RYR2: variants seen among roughly 807,000 people sequenced by gnomAD.
The protein encoded by RYR2 is ryanodine receptor 2, also known as cardiac muscle ryanodine receptor-calcium release channel.
A neutral mutation model predicts 601.1 loss-of-function variants in RYR2; 227 were observed. The ratio of observed to expected loss-of-function variants is 0.38; its 90% CI spans 0.34 to 0.42. The LOEUF is 0.42. Ranked by LOEUF, RYR2 falls within the 10% of genes least tolerant of loss-of-function variation. The pLI is 1.00. For missense variants in RYR2, 4,646 were observed against 6,156.5 expected, an observed-to-expected ratio of 0.75 and a Z score of 8.21; for synonymous variants, 2,223 against 2,175.1, an observed-to-expected ratio of 1.02 and a Z score of -0.61.
chr1:237,574,745 G>A (rs562019874), intron 29 of RYR2, among the ~76,000 whole-genome samples: 18 of 152,168 alleles, frequency 1.2e-4, no homozygotes, highest in Admixed American at 4.6e-4. Context: ...AACAAAAACC[G>A]AGAAATCTCA....
At chr1:237,569,114 G>A (rs1672394163) in intron 28 of RYR2, 31 bp from the exon 29 acceptor site, 1 of 1,588,912 alleles carries the variant, frequency 6.3e-7, no homozygotes, top group African/African-American at 1.3e-5. Context: ...GGCTTAGTCT[G>A]TGACAAGGGA....
intron 16 of RYR2, among the ~76,000 whole-genome samples, chr1:237,467,035 A>G (rs1660157726): frequency 6.6e-6 from 1 of 150,954 alleles, no homozygotes; most frequent in African/African-American, 2.4e-5. Flanking sequence ...TAAATGCCCC[A>G]TGGCTTATTA....
At chr1:237,617,168 ATTCTGT>A (rs1192188218) in intron 37 of RYR2, 112 bp from the exon 38 acceptor site, 1 of 946,496 alleles carries the variant, frequency 1.1e-6, no homozygotes, top group Non-Finnish European at 1.6e-6. Flanking sequence ...CAAAATCAGG[ATTCTGT>A]TTCTAAGAGA....
chr1:237,785,348 A>G (rs1205967731), intron 90 of RYR2, among the ~76,000 whole-genome samples: 1 of 152,148 alleles, frequency 6.6e-6, no homozygotes, highest in Non-Finnish European at 1.5e-5. Flanking sequence ...TTTCTTTGGC[A>G]TGTTTTCATT....
At chr1:237,527,232 G>A (rs1243691633) in intron 24 of RYR2, among the ~76,000 whole-genome samples, 1 of 152,176 alleles carries the variant, frequency 6.6e-6, no homozygotes, top group East Asian at 1.9e-4. Flanking sequence ...GCAATGTGAT[G>A]CCTCTGGATT....
chr1:237,265,675 GTTT>G (rs1688996037), intron 1 of RYR2, among the ~76,000 whole-genome samples: 1 of 152,172 alleles, frequency 6.6e-6, no homozygotes, highest in Non-Finnish European at 1.5e-5. Context: ...CCATTGAAGG[GTTT>G]TAAGCCAGCA....
At chr1:237,395,830 G>A (rs12042747) in intron 10 of RYR2, among the ~76,000 whole-genome samples, 1 of 152,118 alleles carries the variant, frequency 6.6e-6, no homozygotes, top group South Asian at 2.1e-4. Flanking sequence ...ACAGGCATGA[G>A]CCACCACGCC....
At chr1:237,325,214 C>A (rs1464633699) in intron 2 of RYR2, among the ~76,000 whole-genome samples, 1 of 151,850 alleles carries the variant, frequency 6.6e-6, no homozygotes, top group African/African-American at 2.4e-5. Context: ...GCAGTCATGC[C>A]AATGAAGTAG....
chr1:237,299,519 A>G (rs1284638911), intron 2 of RYR2, among the ~76,000 whole-genome samples: 1 of 152,202 alleles, frequency 6.6e-6, no homozygotes, highest in Non-Finnish European at 1.5e-5. Context: ...GATAATTTTG[A>G]TGTGCTGGAC....
chr1:237,582,923 G>GAT (rs71180101), intron 29 of RYR2, among the ~76,000 whole-genome samples: 67 of 133,184 alleles, frequency 5.0e-4, no homozygotes, highest in Middle Eastern at 3.9e-3. Context: ...TTTTCTTTTG[G>GAT]ATATATATAT....
At chr1:237,164,973 TC>T (rs1024572834) in intron 1 of RYR2, among the ~76,000 whole-genome samples, 2 of 27,560 alleles carry the variant, frequency 7.3e-5, no homozygotes, top group Admixed American at 7.0e-4. Flanking sequence ...TGCTGTTTAT[TC>T]TTTTTTTTTT....
chr1:237,420,453 A>T (rs1705442547), intron 11 of RYR2, among the ~76,000 whole-genome samples: 1 of 152,198 alleles, frequency 6.6e-6, no homozygotes, highest in Admixed American at 6.5e-5. Context: ...TACCATAGGA[A>T]ATTGCTTTAT....
intron 10 of RYR2, among the ~76,000 whole-genome samples, chr1:237,395,629 C>G (rs935342718): frequency 1.3e-5 from 2 of 148,254 alleles, no homozygotes; most frequent in Admixed American, 1.4e-4. Flanking sequence ...TCACTGCAAG[C>G]TCTGCCTCCC....
At chr1:237,210,665 C>T (rs778158824) in intron 1 of RYR2, among the ~76,000 whole-genome samples, 2 of 152,088 alleles carry the variant, frequency 1.3e-5, no homozygotes, top group Non-Finnish European at 2.9e-5. Context: ...CACTGGGTGC[C>T]GTGTGTTGGT....
At chr1:237,756,199 T>C (rs1692938593) in intron 80 of RYR2, 89 bp from the exon 81 acceptor site, 2 of 786,916 alleles carry the variant, frequency 2.5e-6, no homozygotes, top group East Asian at 2.5e-5. Flanking sequence ...ATAGAGCCCA[T>C]ACATGAAGAG....
At chr1:237,566,994 T>G (rs1672152559) in intron 28 of RYR2, among the ~76,000 whole-genome samples, 1 of 152,200 alleles carries the variant, frequency 6.6e-6, no homozygotes, top group African/African-American at 2.4e-5. Flanking sequence ...TCCATGGTTA[T>G]CAAAAAGATA....
intron 80 of RYR2, chr1:237,755,184 C>CATT: frequency 1.0e-6 from 1 of 987,982 alleles, no homozygotes; most frequent in Non-Finnish European, 1.3e-6. Flanking sequence ...TTGTTTGAGC[C>CATT]CATTTCTTTT....
intron 56 of RYR2, among the ~76,000 whole-genome samples, chr1:237,665,121 C>A (rs1159757312): frequency 6.6e-6 from 1 of 152,144 alleles, no homozygotes; most frequent in Non-Finnish European, 1.5e-5. Flanking sequence ...AAACTCCAGG[C>A]CGGGCATGGT....
chr1:237,472,117 C>G (rs1268022368), intron 17 of RYR2, among the ~76,000 whole-genome samples: 1 of 152,008 alleles, frequency 6.6e-6, no homozygotes, highest in Non-Finnish European at 1.5e-5. Context: ...TGTTTTTTCT[C>G]CAGAGGAAGT....
Sources: gnomAD v4.1 joint callset for allele counts (sites outside exome capture counted in the v4.1 genomes callset) on GRCh38, gnomAD v4.1.1 for gene constraint, MANE v1.5 for transcripts, NCBI Gene and HGNC (gene_info 2026-07-23, HGNC 2026-07-21) for gene names.